The following SMN1 variants were observed in gnomAD, a reference collection of about 807,000 sequenced individuals.
SMN1 encodes survival motor neuron protein.
For synonymous variants in SMN1, 3 were observed against 5.1 expected, an observed-to-expected ratio of 0.58 and a Z score of 0.56; for missense variants, 15 against 17.1, an observed-to-expected ratio of 0.88 and a Z score of 0.22.
At chr5:70,957,511 G>C (rs1332494343), downstream of SMN1, among the ~76,000 whole-genome samples, 3 of 149,960 alleles carry the variant, frequency 2.0e-5, 1 homozygote, top group Non-Finnish European at 4.4e-5. Context: ...CATTTATTGA[G>C]AGTTTTTAGC....
intron 8 of SMN1, 170 bp downstream of exon 8, chr5:70,952,164 T>C: frequency 8.2e-6 from 12 of 1,469,288 alleles, no homozygotes; most frequent in Non-Finnish European, 1.1e-5. Flanking sequence ...AGATAAAAGG[T>C]TAATCTACAT....
In SMN1 at chr5:70,950,085, G is replaced by A. The variant is rs1336244558; in HGVS notation, c.835-1856G>A. On this transcript the variant is annotated intron_variant, in intron 7 of 8. Transcript: ENST00000380707. ...CTCCATCTCAAAAAAAAAAAAATAAGGTATAAGCGGGCTCAGGAACATCAT... is the reference window on the plus strand; with the variant it reads ...CTCCATCTCAAAAAAAAAAAAATAAAGTATAAGCGGGCTCAGGAACATCAT... Among the ~76,000 whole-genome samples, 5 of 142,718 alleles carry A rather than the reference G, an allele frequency of 3.5e-5. No homozygotes were observed. In the East Asian group the frequency reaches 8.5e-4, roughly 24 times the overall value. The allele number at this position is 142,718 out of a possible 152,430, so 93.6% of individuals were successfully genotyped here. A position where few individuals can be genotyped will look rare whatever the true frequency, so the allele number is the denominator to read the frequency against.
In SMN1 at chr5:70,951,928, A is replaced by G. The variant is rs1561503068; in HGVS notation, c.835-13A>G. The G allele has an allele frequency of 6.2e-7, 1 of 1,611,824 alleles. No individual in the cohort carries two copies. Among genetic ancestry groups the G allele is most frequent in the East Asian group, 2.2e-5 (1 of 44,742 alleles). Reference sequence around the variant, plus strand: ...ATAGCTATTTTTTTTAACTTCCTTTATTTTCCTTACAGGGTTTCAGACAAA... The same window carrying G: ...ATAGCTATTTTTTTTAACTTCCTTTGTTTTCCTTACAGGGTTTCAGACAAA... On this transcript the variant is annotated splice_polypyrimidine_tract_variant and intron_variant, in intron 7 of 8. Coordinates refer to ENST00000380707, the MANE Select transcript of SMN1 (RefSeq NM_000344.4).
intron 7 of SMN1, among the ~76,000 whole-genome samples, chr5:70,950,503 GGGT>G (rs1186718148): frequency 6.7e-6 from 1 of 149,760 alleles, no homozygotes; most frequent in East Asian, 2.0e-4. Flanking sequence ...GCCCAGGCTG[GGGT>G]GCAATGGTGC....
intron 7 of SMN1, among the ~76,000 whole-genome samples, chr5:70,951,494 C>T (rs1436170239): frequency 6.6e-6 from 1 of 151,528 alleles, no homozygotes; most frequent in African/African-American, 2.4e-5. Context: ...AGGCTGTTCT[C>T]GAACTCCTGA....
At chr5:70,959,398 A>T in the SMN1 span, among the ~76,000 whole-genome samples, 2 of 145,826 alleles carry the variant, frequency 1.4e-5, no homozygotes, top group African/African-American at 4.9e-5. Context: ...CTAAAACTTA[A>T]AGTATAATAA....
At chr5:70,954,660 C>A (rs1264060468), downstream of SMN1, among the ~76,000 whole-genome samples, 1 of 34,068 alleles carries the variant, frequency 2.9e-5, no homozygotes, top group African/African-American at 7.0e-5. Flanking sequence ...CCAGACCAGC[C>A]TGGCCAACAT....
chr5:70,960,254 C>T, the SMN1 span, among the ~76,000 whole-genome samples: 3 of 148,280 alleles, frequency 2.0e-5, no homozygotes, highest in East Asian at 6.0e-4. Flanking sequence ...TATTTACAGT[C>T]AATTCTCTTT....
downstream of SMN1, among the ~76,000 whole-genome samples, chr5:70,956,666 T>C (rs1316073105): frequency 2.0e-5 from 3 of 150,446 alleles, no homozygotes; most frequent in African/African-American, 7.3e-5. Context: ...TTCTGTTCCA[T>C]TGGTCTATAT....
At chr5:70,963,889 T>C in the SMN1 span, among the ~76,000 whole-genome samples, 1 of 93,952 alleles carries the variant, frequency 1.1e-5, no homozygotes, top group East Asian at 2.6e-4. Context: ...TTTTTTTTTT[T>C]TTTTTTTTTT....
chr5:70,957,953 CTT>C (rs1489216083), downstream of SMN1, among the ~76,000 whole-genome samples: 2 of 89,962 alleles, frequency 2.2e-5, no homozygotes, highest in African/African-American at 6.2e-5. Context: ...GTCCTGGACT[CTT>C]TTTGGTTGGT....
At chr5:70,956,678 T>C (rs1749913318), downstream of SMN1, among the ~76,000 whole-genome samples, 1 of 150,476 alleles carries the variant, frequency 6.6e-6, no homozygotes, top group African/African-American at 2.4e-5. Flanking sequence ...GGTCTATATC[T>C]CTGTTTTGGT....
downstream of SMN1, among the ~76,000 whole-genome samples, chr5:70,957,042 A>G (rs1749923380): frequency 1.3e-5 from 1 of 76,790 alleles, no homozygotes; most frequent in Non-Finnish European, 2.8e-5. Flanking sequence ...ATCCCTTGTA[A>G]GTTGGATTCC....
At chr5:70,956,709 G>A (rs1749914295), downstream of SMN1, among the ~76,000 whole-genome samples, 1 of 150,538 alleles carries the variant, frequency 6.6e-6, no homozygotes, top group South Asian at 2.1e-4. Context: ...TGCTGTTTTG[G>A]TCACTGTAGC....
At chr5:70,955,227 C>T (rs1258580683), downstream of SMN1, among the ~76,000 whole-genome samples, 1 of 144,002 alleles carries the variant, frequency 6.9e-6, no homozygotes. Flanking sequence ...AAAAAAAAAC[C>T]AAACCAAAGC....
At chr5:70,952,120 A>G (rs1749783493) in intron 8 of SMN1, 126 bp downstream of exon 8, 3 of 1,530,828 alleles carry the variant, frequency 2.0e-6, no homozygotes, top group African/African-American at 1.4e-5. Flanking sequence ...ATGTAAAACA[A>G]TCAATATTAA....
At chr5:70,955,190 G>C (rs1437863712), downstream of SMN1, among the ~76,000 whole-genome samples, 2 of 146,522 alleles carry the variant, frequency 1.4e-5, no homozygotes, top group East Asian at 4.1e-4. Context: ...ACTTCAGCCT[G>C]GGCAACAGAC....
intron 1 of SMN1, among the ~76,000 whole-genome samples, chr5:70,928,300 CAAA>C (rs1255859772): frequency 4.4e-4 from 4 of 9,078 alleles, no homozygotes; most frequent in African/African-American, 6.2e-3. Context: ...GACTCTGCCT[CAAA>C]AAAAAAAAAA....
the SMN1 span, among the ~76,000 whole-genome samples, chr5:70,960,564 G>A: frequency 3.4e-4 from 49 of 143,638 alleles, 2 homozygotes; most frequent in Non-Finnish European, 6.6e-4. Flanking sequence ...GTGCTGAAGT[G>A]CTATATAGTG....
Sources: gnomAD v4.1 joint callset for allele counts (sites outside exome capture counted in the v4.1 genomes callset) on GRCh38, gnomAD v4.1.1 for gene constraint, MANE v1.5 for transcripts, NCBI Gene and HGNC (gene_info 2026-07-23, HGNC 2026-07-21) for gene names.